Variants in GPR75 observed in about 807,000 individuals in gnomAD.
GPR75 encodes the protein G protein-coupled receptor 75, also known as probable G protein-coupled receptor 75.
In GPR75, 27 loss-of-function variants were observed where a neutral mutation model predicts 26.0. The ratio of observed to expected loss-of-function variants is 1.04; its 90% CI spans 0.77 to 1.43. The LOEUF is 1.43. GPR75 is among the 40% of genes most tolerant of loss of function. The pLI, the probability that GPR75 is intolerant of heterozygous loss-of-function variation, is 0.00. For synonymous variants in GPR75, 285 were observed against 256.3 expected (o/e 1.11, Z -1.07); for missense variants, 699 against 662.3 (o/e 1.06, Z -0.61).
intron 1 of GPR75, 115 bp downstream of exon 1, chr2:53,859,713 T>TA: frequency 5.6e-6 from 4 of 709,104 alleles, no homozygotes; most frequent in Non-Finnish European, 2.2e-6. Context: ...GGAAGACAGG[T>TA]ACGCGGAGCC....
In GPR75 at chr2:53,854,620, G is replaced by C. The variant is rs575619197; in HGVS notation, c.137C>G (p.Thr46Ser). ...GCAGAAGATGACCGCCAGTAGAAAA[G>C]TACAGGTCACCAAGGTGGCTGTGTG... The part of the protein sequence containing the change: ...LIHTATLVTC[T>S]FLLAVIFCLG... The change falls in exon 2 of 2, where the codon ACT becomes AGT. Residue 46 changes from threonine to serine, a missense_variant. Transcript: ENST00000394705. The C allele has an allele frequency of 6.2e-7, 1 of 1,614,140 alleles. No homozygotes were observed. Among genetic ancestry groups the C allele is most frequent in the South Asian group, 1.1e-5 (1 of 91,074 alleles).
chr2:53,855,959 C>A (rs114958481), intron 1 of GPR75, among the ~76,000 whole-genome samples: 100 of 152,282 alleles, frequency 6.6e-4, no homozygotes, highest in Non-Finnish European at 1.3e-3. Context: ...TAGAAATTTA[C>A]AAGGTGCAAA....
At chr2:53,858,402 G>GACACACACACACACACACACACAC (rs61090357) in intron 1 of GPR75, among the ~76,000 whole-genome samples, 1 of 145,036 alleles carries the variant, frequency 6.9e-6, no homozygotes, top group Non-Finnish European at 1.5e-5. Flanking sequence ...GATACAGATA[G>GACACACACACACACACACACACAC]ACACACACAC....
chr2:53,857,113 G>A (rs1467719766), intron 1 of GPR75, among the ~76,000 whole-genome samples: 3 of 150,104 alleles, frequency 2.0e-5, no homozygotes, highest in Admixed American at 6.6e-5. Context: ...ACAGGCGCCC[G>A]CCACCGTGCC....
rs763898278 is a variant in GPR75 at position 53,853,332 on chromosome 2, G to T, written c.1425C>A (p.Ile475=). 10 of 1,613,982 alleles carry T rather than the reference G, an allele frequency of 6.2e-6. No homozygotes were observed. The change falls in exon 2 of 2, where the codon ATC becomes ATA. Residue 475 remains isoleucine, a synonymous_variant. Transcript: ENST00000394705. The part of the protein sequence containing the change: ...QHCGQSSSTP[I]NTRIEPYYSI... ...TGTAGTAAGGTTCAATCCGAGTGTT[G>T]ATGGGGGTCGAGCTGCTCTGACCAC...
rs374418654 is a variant in GPR75, at chr2:53,853,437, T to C, written c.1320A>G (p.Lys440=). 5.5e-5 allele frequency: 88 copies of C among 1,614,016 alleles called. No homozygotes were observed. The highest frequency in any genetic ancestry group is 7.3e-5 in the Non-Finnish European group (86 of 1,180,012). The change falls in exon 2 of 2, where the codon AAA becomes AAG. Residue 440 remains lysine, a synonymous_variant. Transcript: ENST00000394705. ...TTGGGCCACAAGCCTGGTCCACAAA[T>C]TTCTTCTGTGGCTTTGGAGATAACA... ...AYMLSPKPQK[K]FVDQACGPSH...
At chr2:53,858,572 GA>G (rs1177322165) in intron 1 of GPR75, among the ~76,000 whole-genome samples, 21 of 152,010 alleles carry the variant, frequency 1.4e-4, no homozygotes, top group Admixed American at 1.4e-3. Context: ...CAGAAAAGAC[GA>G]AAAGGTTTGC....
In GPR75 at chr2:53,854,287, G is replaced by A. The variant is rs752397697; in HGVS notation, c.470C>T (p.Ser157Phe). The change falls in exon 2 of 2, where the codon TCC becomes TTC. Residue 157 changes from serine to phenylalanine, a missense_variant. Coordinates refer to ENST00000394705, the MANE Select transcript of GPR75 (RefSeq NM_006794.4). Reference sequence around the variant, plus strand: ...GGTGAGGAGTACGGTGCAGGGAAAGGAGGCCGTGCGATTAGGCTGTTTCCC... The same window carrying A: ...GGTGAGGAGTACGGTGCAGGGAAAGAAGGCCGTGCGATTAGGCTGTTTCCC... ...VLGKQPNRTA[S>F]FPCTVLLTLL... 8 of 1,614,006 alleles carry A rather than the reference G, an allele frequency of 5.0e-6. No individual in the cohort carries two copies. In the East Asian group the frequency reaches 1.6e-4, roughly 31 times the overall value.
At position 53,853,486 on chromosome 2, in the gene GPR75, T is replaced by A. The variant is rs1236368837; in HGVS notation, c.1271A>T (p.His424Leu). ...NLEVNRNKSS[H>L]HETNSAYMLS... Reference sequence around the variant, plus strand: ...CATGTAGGCAGAGTTTGTTTCATGATGGGAGGATTTGTTTCTGTTGACTTC... The same window carrying A: ...CATGTAGGCAGAGTTTGTTTCATGAAGGGAGGATTTGTTTCTGTTGACTTC... The change falls in exon 2 of 2, where the codon CAT (histidine) becomes CTT (leucine). Residue 424 changes from histidine to leucine, a missense_variant. By Grantham distance (99) the His-to-Leu change is moderately conservative. Coordinates refer to ENST00000394705, the MANE Select transcript of GPR75 (RefSeq NM_006794.4). 3.1e-6 allele frequency: 5 copies of A among 1,614,030 alleles called. No individual in the cohort carries two copies. Among genetic ancestry groups the A allele is most frequent in the African/African-American group, 1.3e-5 (1 of 74,932 alleles).
At chr2:53,856,620 G>A (rs553841264) in intron 1 of GPR75, among the ~76,000 whole-genome samples, 2 of 152,344 alleles carry the variant, frequency 1.3e-5, no homozygotes, top group East Asian at 1.9e-4. Context: ...ATACAGCCAT[G>A]CCAGTGACTA....
At chr2:53,857,027 A>G (rs1016334129) in intron 1 of GPR75, among the ~76,000 whole-genome samples, 2 of 125,790 alleles carry the variant, frequency 1.6e-5, no homozygotes, top group Non-Finnish European at 1.6e-5. Flanking sequence ...GCAGTGGCGC[A>G]ATCTCGGCTC....
chr2:53,853,894 T>C lies in GPR75; in HGVS notation c.863A>G (p.Tyr288Cys), dbSNP rs1394166059. Reference protein sequence around the residue: ...NKLQHVQTRGYTKSPNQLVTP... With the variant: ...NKLQHVQTRGCTKSPNQLVTP... ...GACCAGTTGGTTGGGACTCTTGGTA[T>C]ATCCACGGGTCTGAACGTGCTGCAG... The change falls in exon 2 of 2, where the codon TAT becomes TGT. Residue 288 changes from tyrosine (Y) to cysteine (C), a missense_variant. Tyr to Cys is a radical substitution (Grantham distance 194, BLOSUM62 -2). Coordinates refer to ENST00000394705, the MANE Select transcript of GPR75 (RefSeq NM_006794.4). 3 of 1,614,062 alleles carry C rather than the reference T, an allele frequency of 1.9e-6. No individual in the cohort carries two copies. The highest frequency in any genetic ancestry group is 1.7e-6 in the Non-Finnish European group (2 of 1,179,994).
chr2:53,853,632 T>C lies in GPR75; in HGVS notation c.1125A>G (p.Ile375Met), dbSNP rs1678148559. The change falls in exon 2 of 2, where the codon ATA (isoleucine) becomes ATG (methionine). Residue 375 changes from isoleucine (I) to methionine (M), a missense_variant. Physicochemically the swap from Ile to Met is conservative, Grantham distance 10. Transcript: ENST00000394705. ...IFFKSGLNPFIYSRNSAGLRR... is the reference protein window; with the variant it reads ...IFFKSGLNPFMYSRNSAGLRR... Reference sequence around the variant, plus strand: ...TCAGCCCTGCACTGTTCCGAGAATATATAAAAGGGTTTAATCCTGACTTGA... The same window carrying C: ...TCAGCCCTGCACTGTTCCGAGAATACATAAAAGGGTTTAATCCTGACTTGA... 6.2e-7 allele frequency: 1 copy of C among 1,614,046 alleles called. No homozygotes were observed. The highest frequency in any genetic ancestry group is 1.1e-5 in the South Asian group (1 of 91,084).
chr2:53,858,318 A>G (rs1678283963), intron 1 of GPR75, among the ~76,000 whole-genome samples: 1 of 151,938 alleles, frequency 6.6e-6, no homozygotes, highest in African/African-American at 2.4e-5. Context: ...TAGGTATTGC[A>G]ATCCCTTCCC....
chr2:53,853,789 C>A lies in GPR75; in HGVS notation c.968G>T (p.Cys323Phe). The part of the protein sequence containing the change: ...TAKDSKAVVT[C>F]VIIVLSVLVC... ...CAGGACTGACAGCACAATGATCACACAGGTGACCACGGCTTTGGAATCCTT... is the reference window on the plus strand; with the variant it reads ...CAGGACTGACAGCACAATGATCACAAAGGTGACCACGGCTTTGGAATCCTT... The change falls in exon 2 of 2, where the codon TGT becomes TTT. Residue 323 changes from cysteine to phenylalanine, a missense_variant. Coordinates refer to ENST00000394705, the MANE Select transcript of GPR75 (RefSeq NM_006794.4). The A allele has an allele frequency of 1.2e-6, 2 of 1,614,194 alleles. No individual in the cohort carries two copies. Among genetic ancestry groups the A allele is most frequent in the Non-Finnish European group, 1.7e-6 (2 of 1,180,022 alleles).
Position 53,853,427 on chromosome 2 carries a change from G to T in GPR75, c.1330C>A (p.Gln444Lys). 2 of 1,614,064 alleles carry T rather than the reference G, an allele frequency of 1.2e-6. No individual in the cohort carries two copies. Among genetic ancestry groups the T allele is most frequent in the East Asian group, 4.5e-5 (2 of 44,874 alleles). ...TTTGAATGACTTGGGCCACAAGCCT[G>T]GTCCACAAATTTCTTCTGTGGCTTT... ...SPKPQKKFVD[Q>K]ACGPSHSKES... The change falls in exon 2 of 2, where the codon CAG (glutamine) becomes AAG (lysine). Residue 444 changes from glutamine to lysine, a missense_variant. Physicochemically the swap from Gln to Lys is moderately conservative, Grantham distance 53 (BLOSUM62 1). Coordinates refer to ENST00000394705, the MANE Select transcript of GPR75 (RefSeq NM_006794.4).
intron 1 of GPR75, among the ~76,000 whole-genome samples, chr2:53,858,500 T>C (rs1678293186): frequency 6.7e-6 from 1 of 149,672 alleles, no homozygotes; most frequent in African/African-American, 2.5e-5. Context: ...TCACTCCTAT[T>C]GAGATAATTA....
chr2:53,854,583 A>T lies in GPR75; in HGVS notation c.174T>A (p.Tyr58Ter). ...LLAVIFCLGS[Y>*]GNFIVFLSFF... ...AGGACAAGAAGACAATGAAGTTGCC[A>T]TAGGAACCCAGGCAGAAGATGACCG... The change falls in exon 2 of 2, where the codon TAT becomes TAA. Residue 58 changes from tyrosine (Y) to a stop codon, truncating the protein, a stop_gained. Coordinates refer to ENST00000394705, the MANE Select transcript of GPR75 (RefSeq NM_006794.4). LOFTEE classifies it high-confidence loss of function. 1 of 1,614,054 alleles carries T rather than the reference A, an allele frequency of 6.2e-7. No homozygotes were observed. The highest frequency in any genetic ancestry group is 8.5e-7 in the Non-Finnish European group (1 of 1,179,964).
intron 1 of GPR75, among the ~76,000 whole-genome samples, chr2:53,858,433 ACACACACACATTC>A (rs1316803314): frequency 6.6e-6 from 1 of 151,562 alleles, no homozygotes; most frequent in African/African-American, 2.4e-5. Context: ...ACACACACAC[ACACACACACATTC>A]TTCTATGTAT....
Sources: gnomAD v4.1 joint callset for allele counts (sites outside exome capture counted in the v4.1 genomes callset) on GRCh38, gnomAD v4.1.1 for gene constraint, MANE v1.5 for transcripts, NCBI Gene and HGNC (gene_info 2026-07-23, HGNC 2026-07-21) for gene names.